CBX2: variants seen among roughly 807,000 people sequenced by gnomAD.
CBX2 encodes chromobox protein homolog 2.
In CBX2, 11 loss-of-function variants were observed where a neutral mutation model predicts 21.0. That is an observed-to-expected ratio of 0.52 (90% CI 0.33 to 0.87). The LOEUF is 0.87. Among genes scored for constraint, CBX2 ranks in the 40% least tolerant of loss-of-function variants. The probability of loss-of-function intolerance (pLI) is 0.02; values close to 1 mark genes in which losing one functional copy is unlikely to be tolerated. For synonymous variants in CBX2, 364 were observed against 304.6 expected (o/e 1.19, Z -2.03); for missense variants, 746 against 724.3 (o/e 1.03, Z -0.34).
chr17:79,781,836 C>G (rs1555830356), intron 4 of CBX2, 35 bp downstream of exon 4: 1 of 1,613,310 alleles, frequency 6.2e-7, no homozygotes. Flanking sequence ...GACCCCACCT[C>G]CCAGCACCCC....
intron 3 of CBX2, among the ~76,000 whole-genome samples, chr17:79,780,525 C>T (rs1313584885): frequency 2.0e-5 from 3 of 151,960 alleles, no homozygotes; most frequent in African/African-American, 4.8e-5. Flanking sequence ...GAGGCTGGTG[C>T]GCTTCTCTGG....
chr17:79,785,147 G>C lies in CBX2; in HGVS notation c.*105G>C, dbSNP rs1026430815. 5 of 1,017,000 alleles carry C rather than the reference G, an allele frequency of 4.9e-6. No homozygotes were observed. Among genetic ancestry groups the C allele is most frequent in the Non-Finnish European group, 7.5e-6 (5 of 668,432 alleles). The allele number at this position is 1,017,000 out of a possible 1,614,324, so 63.0% of individuals were successfully genotyped here. On this transcript the variant is annotated 3_prime_UTR_variant, in exon 5 of 5. Transcript: ENST00000310942. ...AGCCCCCTCAAGAGTCTGGGTCGGG[G>C]GAGGAGGAGTGGGTGGCCTCCTTGA... is the stretch of plus-strand genomic sequence containing the variant.
rs569913328 is a variant in CBX2 at position 79,778,622 on chromosome 17, G to A, written c.116+195G>A. On this transcript the variant is annotated intron_variant, in intron 2 of 4. Transcript: ENST00000310942. The surrounding 1 kb of genome is among the most constrained non-coding windows in gnomAD (Gnocchi z 4.8). ...GCCCGAGGTTGCCCTTTGTTTACACGCCCGCGGGTGCAGAGCTGGGCGGCC... is the reference window on the plus strand; with the variant it reads ...GCCCGAGGTTGCCCTTTGTTTACACACCCGCGGGTGCAGAGCTGGGCGGCC... Among the ~76,000 whole-genome samples the A allele has an allele frequency of 7.9e-5, 12 of 151,820 alleles. No homozygotes were observed. The highest frequency in any genetic ancestry group is 1.3e-4 in the Non-Finnish European group (9 of 67,842).
Position 79,782,433 on chromosome 17 carries a change from C to T in CBX2, c.288+632C>T, listed in dbSNP as rs1244766914. Reference sequence around the variant, plus strand: ...CCCTGGGGTCCGTGGTAGGGCCCCTCCCTCCCCTGAGGACAGGTGAGGCAG... The same window carrying T: ...CCCTGGGGTCCGTGGTAGGGCCCCTTCCTCCCCTGAGGACAGGTGAGGCAG... On this transcript the variant is annotated intron_variant, in intron 4 of 4. Coordinates refer to ENST00000310942, the MANE Select transcript of CBX2 (RefSeq NM_005189.3). 6 of 1,305,652 alleles carry T rather than the reference C, an allele frequency of 4.6e-6. No homozygotes were observed. The African/African-American group carries it at 7.5e-5, about 16-fold the overall frequency. The allele number at this position is 1,305,652 out of a possible 1,614,324, so 80.9% of individuals were successfully genotyped here. A position where few individuals can be genotyped will look rare whatever the true frequency, so the allele number is the denominator to read the frequency against.
At chr17:79,777,653 C>T (rs1906815565), upstream of CBX2, among the ~76,000 whole-genome samples, 1 of 152,100 alleles carries the variant, frequency 6.6e-6, no homozygotes, top group South Asian at 2.1e-4. Flanking sequence ...GACTCCCCCG[C>T]TGCCGAGGAA....
In CBX2 at chr17:79,778,771, C is replaced by G. The variant is rs1166344405; in HGVS notation, c.116+344C>G. Among the ~76,000 whole-genome samples the G allele has an allele frequency of 1.3e-5, 2 of 152,108 alleles. No homozygotes were observed. The highest frequency in any genetic ancestry group is 2.9e-5 in the Non-Finnish European group (2 of 67,976). ...CAGATTCTCCCCGCTGTAACCTGAG[C>G]TTGCTATTGATGGATGTAGAGTTTC... is the stretch of plus-strand genomic sequence containing the variant. On this transcript the variant is annotated intron_variant, in intron 2 of 4. Coordinates refer to ENST00000310942, the MANE Select transcript of CBX2 (RefSeq NM_005189.3). The surrounding 1 kb of genome is among the most constrained non-coding windows in gnomAD (Gnocchi z 4.8).
chr17:79,781,612 A>AG (rs1907205205), intron 3 of CBX2, 84 bp from the exon 4 acceptor site: 2 of 1,144,294 alleles, frequency 1.7e-6, no homozygotes, highest in Non-Finnish European at 2.7e-6. Context: ...CAACAGGAAT[A>AG]GGGTGCTGGA....
In CBX2 at chr17:79,787,197, CTG is replaced by C. The variant is rs1407759089; in HGVS notation, c.*2158_*2159del. The stretch of plus-strand genomic sequence containing the variant: ...AGTCTTGACTCCTTCCTGCTGAGCA[CTG>C]TGCTACCTTCACTGCTCCAAAGCCA... On this transcript the variant is annotated 3_prime_UTR_variant, in exon 5 of 5. Transcript: ENST00000310942. The C allele has an allele frequency of 6.6e-6, 1 of 152,408 alleles. No homozygotes were observed. The highest frequency in any genetic ancestry group is 1.5e-5 in the Non-Finnish European group (1 of 68,072). 9.4% of individuals were successfully genotyped at this position (152,408 alleles called of 1,614,324 possible).
At chr17:79,781,859 G>A (rs368496932) in intron 4 of CBX2, 58 bp downstream of exon 4, 12 of 1,614,144 alleles carry the variant, frequency 7.4e-6, no homozygotes, top group Admixed American at 1.7e-5. Flanking sequence ...TGGCGTAGGG[G>A]GCAGGCAGAG....
chr17:79,783,985 G>A lies in CBX2; in HGVS notation c.542G>A (p.Ser181Asn), dbSNP rs1555831016. ...CAAAAGGCAACCCGAAGACCCGTGA[G>A]CCTGGCCAAGGTGCTGAAGACCGCC... is the stretch of plus-strand genomic sequence containing the variant. ...PEQKATRRPV[S>N]LAKVLKTARK... The change falls in exon 5 of 5, where the codon AGC (serine) becomes AAC (asparagine). Residue 181 changes from serine (S) to asparagine (N), a missense_variant. Ser to Asn is a conservative substitution (Grantham distance 46). This residue lies in a region of CBX2 where 701 missense variants were observed against 650.7 expected (regional missense o/e 1.08). Coordinates refer to ENST00000310942, the MANE Select transcript of CBX2 (RefSeq NM_005189.3). 1 of 1,613,680 alleles carries A rather than the reference G, an allele frequency of 6.2e-7. No homozygotes were observed. Among genetic ancestry groups the A allele is most frequent in the Non-Finnish European group, 8.5e-7 (1 of 1,180,048 alleles).
rs568982315 is a variant in CBX2 at position 79,783,662 on chromosome 17, G to A, written c.289-70G>A. 1.4e-4 allele frequency: 195 copies of A among 1,364,746 alleles called. No homozygotes were observed. In the African/African-American group the frequency reaches 1.9e-3, roughly 13 times the overall value. The allele number at this position is 1,364,746 out of a possible 1,614,324, so 84.5% of individuals were successfully genotyped here. A position where few individuals can be genotyped will look rare whatever the true frequency, so the allele number is the denominator to read the frequency against. On this transcript the variant is annotated intron_variant, in intron 4 of 4. Transcript: ENST00000310942. Reference sequence around the variant, plus strand: ...TGACCTCAGGTGATCCACCCGCTTCGGCCTCCCAAAGTGCTGGGATTACAG... The same window carrying A: ...TGACCTCAGGTGATCCACCCGCTTCAGCCTCCCAAAGTGCTGGGATTACAG...
rs1907460137 is a variant in CBX2 at position 79,784,307 on chromosome 17, G to T, written c.864G>T (p.Leu288=). 1 of 1,613,114 alleles carries T rather than the reference G, an allele frequency of 6.2e-7. No individual in the cohort carries two copies. The highest frequency in any genetic ancestry group is 8.5e-7 in the Non-Finnish European group (1 of 1,179,966). The change falls in exon 5 of 5, where the codon CTG becomes CTT. Residue 288 remains leucine (L), a synonymous_variant. Transcript: ENST00000310942. The surrounding 1 kb of genome is among the most constrained non-coding windows in gnomAD (Gnocchi z 5.9). ...AQATNKCGLG[L]DLKVRTQKGE... ...CCACCAACAAGTGCGGCCTCGGGCT[G>T]GACCTGAAGGTGAGGACGCAGAAAG...
rs1907547168 is a variant in CBX2, at chr17:79,785,124, C to T, written c.*82C>T. The stretch of plus-strand genomic sequence containing the variant: ...TTGGCTAAGTGACTCCCAGCCCAAG[C>T]CCCCTCAAGAGTCTGGGTCGGGGGA... On this transcript the variant is annotated 3_prime_UTR_variant, in exon 5 of 5. Transcript: ENST00000310942. The T allele has an allele frequency of 1.6e-6, 2 of 1,247,692 alleles. No homozygotes were observed. The highest frequency in any genetic ancestry group is 2.3e-5 in the East Asian group (1 of 42,648). The allele number at this position is 1,247,692 out of a possible 1,614,324, so 77.3% of individuals were successfully genotyped here.
At chr17:79,781,662 G>C in intron 3 of CBX2, 34 bp from the exon 4 acceptor site, 3 of 1,575,106 alleles carry the variant, frequency 1.9e-6, no homozygotes, top group African/African-American at 1.3e-5. Flanking sequence ...TACGCACAGG[G>C]CTTCTCCCCC....
chr17:79,784,475 G>A lies in CBX2; in HGVS notation c.1032G>A (p.Gln344=), dbSNP rs781903266. Residue 344 remains glutamine, a synonymous_variant, in exon 5 of 5, where the codon CAG becomes CAA. Coordinates refer to ENST00000310942, the MANE Select transcript of CBX2 (RefSeq NM_005189.3). This position sits in a 1 kb window ranked among gnomAD's most constrained non-coding sequence, Gnocchi z 5.9. ...TGCCTGCTGGGTGCCCAGGCCCCCA[G>A]CCAGCACCCACCCAGGAGCTGAGCC... ...SRVPAGCPGP[Q]PAPTQELSLQ... The A allele has an allele frequency of 6.2e-7, 1 of 1,612,606 alleles. No homozygotes were observed. The highest frequency in any genetic ancestry group is 1.1e-5 in the South Asian group (1 of 91,068).
chr17:79,777,524 C>G (rs551507538), upstream of CBX2, among the ~76,000 whole-genome samples: 2 of 152,326 alleles, frequency 1.3e-5, no homozygotes, highest in South Asian at 4.1e-4. Flanking sequence ...AAGCATTTTC[C>G]TCTCTCGCCT....
chr17:79,777,424 G>C (rs1906798022), upstream of CBX2, among the ~76,000 whole-genome samples: 1 of 152,214 alleles, frequency 6.6e-6, no homozygotes, highest in South Asian at 2.1e-4. Context: ...CCTAAAACTC[G>C]GGGGCTGGAT....
chr17:79,784,100 G>T lies in CBX2; in HGVS notation c.657G>T (p.Lys219Asn), dbSNP rs782753291. 1.9e-6 allele frequency: 3 copies of T among 1,611,734 alleles called. No homozygotes were observed. Among genetic ancestry groups the T allele is most frequent in the Non-Finnish European group, 1.7e-6 (2 of 1,179,268 alleles). Residue 219 changes from lysine to asparagine, a missense_variant, in exon 5 of 5, where the codon AAG becomes AAT. Around this residue, in one of 2 missense-constraint regions of CBX2, gnomAD observed 701 missense variants for 650.7 expected, o/e 1.08. Transcript: ENST00000310942. This position sits in a 1 kb window ranked among gnomAD's most constrained non-coding sequence, Gnocchi z 5.9. ...AGLAALKAHA[K>N]EACGGPSAMA... The stretch of plus-strand genomic sequence containing the variant: ...TGGCAGCTCTGAAGGCCCACGCCAA[G>T]GAGGCCTGTGGCGGCCCCAGTGCCA...
chr17:79,782,300 A>G (rs1598223865), intron 4 of CBX2: 2 of 1,521,462 alleles, frequency 1.3e-6, no homozygotes, highest in Non-Finnish European at 1.8e-6. Flanking sequence ...GCCTTGGAGG[A>G]GGGCAGAGGC....
Sources: allele counts gnomAD v4.1 joint callset (sites outside exome capture counted in the v4.1 genomes callset), GRCh38; gene constraint gnomAD v4.1.1; regional missense constraint gnomAD v4.1.1; non-coding constraint Gnocchi (gnomAD v3.1); transcripts MANE v1.5; gene names NCBI Gene and HGNC (gene_info 2026-07-23, HGNC 2026-07-21).